Variants in FHIT observed in about 807,000 individuals in gnomAD.
FHIT encodes bis(5'-adenosyl)-triphosphatase.
In FHIT, 19 loss-of-function variants were observed where a neutral mutation model predicts 17.9. That is an observed-to-expected ratio of 1.06 (90% CI 0.74 to 1.56). The LOEUF is 1.56. Ranked by LOEUF, FHIT falls within the 40% of genes most tolerant of loss-of-function variation. The pLI, the probability that FHIT is intolerant of heterozygous loss-of-function variation, is 0.00. For synonymous variants in FHIT, 81 were observed against 69.7 expected (o/e 1.16, Z -0.81); for missense variants, 248 against 189.2 (o/e 1.31, Z -1.82).
At chr3:61,242,436 TAAACAACCTTC>T (rs2040395426) in intron 1 of FHIT, among the ~76,000 whole-genome samples, 1 of 152,216 alleles carries the variant, frequency 6.6e-6, no homozygotes, top group African/African-American at 2.4e-5. Flanking sequence ...CAAACCTTAC[TAAACAACCTTC>T]ATTTACCATA....
At chr3:60,895,869 C>T (rs1401074241) in intron 3 of FHIT, among the ~76,000 whole-genome samples, 4 of 151,298 alleles carry the variant, frequency 2.6e-5, no homozygotes, top group African/African-American at 9.7e-5. Flanking sequence ...ATGTTCCAGG[C>T]TTTTCTTGTC....
At chr3:59,905,877 T>G (rs1704563548) in intron 8 of FHIT, among the ~76,000 whole-genome samples, 1 of 151,880 alleles carries the variant, frequency 6.6e-6, no homozygotes, top group Non-Finnish European at 1.5e-5. Context: ...ATAATCATAA[T>G]GCATTGGAAA....
chr3:60,147,147 G>C (rs1249718179), intron 5 of FHIT, among the ~76,000 whole-genome samples: 2 of 152,076 alleles, frequency 1.3e-5, no homozygotes, highest in Non-Finnish European at 2.9e-5. Flanking sequence ...AAGCAAAATA[G>C]TACTCACAAA....
At chr3:60,953,427 T>C (rs1298269503) in intron 3 of FHIT, among the ~76,000 whole-genome samples, 1 of 148,880 alleles carries the variant, frequency 6.7e-6, no homozygotes, top group Non-Finnish European at 1.5e-5. Flanking sequence ...AATCCTTCAT[T>C]CCAAACTATC....
chr3:60,617,989 T>C, intron 4 of FHIT: 1 of 266,492 alleles, frequency 3.8e-6, no homozygotes, highest in Non-Finnish European at 7.6e-6. Flanking sequence ...AAAGAATTAG[T>C]AAATGCTGGC....
chr3:61,215,265 T>C (rs1166823976), intron 1 of FHIT, among the ~76,000 whole-genome samples: 2 of 151,378 alleles, frequency 1.3e-5, no homozygotes, highest in Non-Finnish European at 3.0e-5. Flanking sequence ...GAAAACCCCA[T>C]CACCTCAGCC....
intron 7 of FHIT, among the ~76,000 whole-genome samples, chr3:59,957,080 G>C (rs1350064247): frequency 1.3e-5 from 2 of 152,206 alleles, no homozygotes; most frequent in African/African-American, 4.8e-5. Flanking sequence ...CTGAGGAACT[G>C]AGCTTTACAG....
intron 2 of FHIT, among the ~76,000 whole-genome samples, chr3:61,099,509 A>G (rs1472053606): frequency 6.6e-6 from 1 of 152,028 alleles, no homozygotes; most frequent in Non-Finnish European, 1.5e-5. Context: ...TTCTCTGTAC[A>G]TCTGGTAAAA....
chr3:60,065,492 G>C (rs1033377564), intron 5 of FHIT, among the ~76,000 whole-genome samples: 12 of 152,280 alleles, frequency 7.9e-5, no homozygotes, highest in African/African-American at 2.9e-4. Flanking sequence ...TGCTGTGTTT[G>C]AGATCATAAA....
chr3:61,132,937 A>C (rs1471200899), intron 2 of FHIT, among the ~76,000 whole-genome samples: 2 of 152,206 alleles, frequency 1.3e-5, no homozygotes, highest in African/African-American at 2.4e-5. Context: ...GGGTGTAGGG[A>C]GTAGAAGCAG....
intron 4 of FHIT, among the ~76,000 whole-genome samples, chr3:60,774,922 T>C (rs1356612732): frequency 2.6e-5 from 4 of 152,162 alleles, no homozygotes; most frequent in African/African-American, 4.8e-5. Context: ...TTTCTGGAAT[T>C]TTCCATTTAA....
chr3:60,944,718 G>C (rs1283946518), intron 3 of FHIT, among the ~76,000 whole-genome samples: 3 of 152,074 alleles, frequency 2.0e-5, no homozygotes, highest in Admixed American at 1.3e-4. Context: ...TGATATTATG[G>C]GACAGTGCAA....
intron 2 of FHIT, among the ~76,000 whole-genome samples, chr3:61,195,220 A>G (rs1442613982): frequency 1.3e-5 from 2 of 152,120 alleles, no homozygotes; most frequent in Non-Finnish European, 2.9e-5. Flanking sequence ...GCTGAGCTGA[A>G]AAAAAATAAG....
chr3:60,619,600 C>CAAAAAAAAAAAAAAAAAA (rs57198487), intron 4 of FHIT, among the ~76,000 whole-genome samples: 1 of 88,692 alleles, frequency 1.1e-5, no homozygotes, highest in Non-Finnish European at 2.2e-5. Flanking sequence ...TACCCACATG[C>CAAAAAAAAAAAAAAAAAA]AAAAAAAAAA....
Position 59,776,509 on chromosome 3 carries a change from G to A in FHIT, c.349-24188C>T, listed in dbSNP as rs143215524. ...GCCTGACTGGCTCCACTAGCTCAGAGAACAGTGAGACAGTGATGGGCCATC... is the reference window on the plus strand; with the variant it reads ...GCCTGACTGGCTCCACTAGCTCAGAAAACAGTGAGACAGTGATGGGCCATC... On this transcript the variant is annotated intron_variant, in intron 8 of 9. Coordinates refer to ENST00000492590, the MANE Select transcript of FHIT (RefSeq NM_002012.4). Among the ~76,000 whole-genome samples, 83 of 152,300 alleles carry A rather than the reference G, an allele frequency of 5.4e-4. No homozygotes were observed. The East Asian group carries it at 0.013, about 24-fold the overall frequency.
intron 5 of FHIT, among the ~76,000 whole-genome samples, chr3:60,077,961 A>G (rs1456744349): frequency 4.6e-5 from 7 of 152,002 alleles, no homozygotes; most frequent in Non-Finnish European, 1.0e-4. Flanking sequence ...CATACTTTAA[A>G]CCTCAAATAC....
At chr3:61,023,865 C>T (rs529798468) in intron 3 of FHIT, among the ~76,000 whole-genome samples, 1 of 152,264 alleles carries the variant, frequency 6.6e-6, no homozygotes, top group Non-Finnish European at 1.5e-5. Context: ...AGATTAAAGA[C>T]TTAAACATAA....
chr3:61,162,694 G>A (rs1180112449), intron 2 of FHIT, among the ~76,000 whole-genome samples: 2 of 152,124 alleles, frequency 1.3e-5, no homozygotes, highest in Admixed American at 1.3e-4. Flanking sequence ...ATTCTATGAG[G>A]ACTAATTTTC....
intron 8 of FHIT, among the ~76,000 whole-genome samples, chr3:59,831,829 C>T (rs1275926752): frequency 6.6e-6 from 1 of 151,972 alleles, no homozygotes; most frequent in African/African-American, 2.4e-5. Flanking sequence ...AACAAAATGC[C>T]AAAAAGCAGG....
Sources: gnomAD v4.1 joint callset for allele counts (sites outside exome capture counted in the v4.1 genomes callset) on GRCh38, gnomAD v4.1.1 for gene constraint, MANE v1.5 for transcripts, NCBI Gene and HGNC (gene_info 2026-07-23, HGNC 2026-07-21) for gene names.